The following NXPH1 variants were observed in gnomAD, a reference collection of about 807,000 sequenced individuals.
NXPH1 encodes the protein neurexophilin-1.
Under a neutral mutation model 23.7 loss-of-function variants are expected in NXPH1, and 5 were observed. The observed-to-expected ratio is 0.21, with a 90% confidence interval of 0.11 to 0.44. NXPH1 has a LOEUF of 0.44. Ranked by LOEUF, NXPH1 falls within the 20% of genes least tolerant of loss-of-function variation. The probability of loss-of-function intolerance (pLI) is 0.99; values close to 1 mark genes in which losing one functional copy is unlikely to be tolerated. For missense variants in NXPH1, 324 were observed against 321.6 expected (o/e 1.01, Z -0.06); for synonymous variants, 144 against 122.2 (o/e 1.18, Z -1.18).
At chr7:8,644,818 T>C (rs905154889) in intron 2 of NXPH1, among the ~76,000 whole-genome samples, 2 of 152,182 alleles carry the variant, frequency 1.3e-5, no homozygotes, top group Non-Finnish European at 2.9e-5. Context: ...TGGTAACCAC[T>C]CTCTTAAATT....
At chr7:8,615,397 G>C (rs1459582538) in intron 2 of NXPH1, among the ~76,000 whole-genome samples, 1 of 152,036 alleles carries the variant, frequency 6.6e-6, no homozygotes, top group African/African-American at 2.4e-5. Context: ...TAAGGTTGTT[G>C]AGAGGATTCG....
intron 2 of NXPH1, among the ~76,000 whole-genome samples, chr7:8,456,929 A>G (rs539626969): frequency 9.9e-5 from 15 of 152,138 alleles, no homozygotes; most frequent in Non-Finnish European, 2.2e-4. Context: ...CAGCCTAGAT[A>G]AGGTCTCTAA....
In NXPH1 at chr7:8,477,404, C is replaced by G. The variant is rs1217290175; in HGVS notation, c.54+41637C>G. 2.0e-5 allele frequency among the ~76,000 whole-genome samples: 3 copies of G among 152,026 alleles called. No homozygotes were observed. The East Asian group carries it at 5.8e-4, about 29-fold the overall frequency. Reference sequence around the variant, plus strand: ...GGCTATAGATCATCACTCCAGTGGTCAAGCTGAGTTGTTAATCCAGCTAAT... The same window carrying G: ...GGCTATAGATCATCACTCCAGTGGTGAAGCTGAGTTGTTAATCCAGCTAAT... On this transcript the variant is annotated intron_variant, in intron 2 of 2. Transcript: ENST00000405863.
At chr7:8,612,806 C>T (rs115459840) in intron 2 of NXPH1, among the ~76,000 whole-genome samples, 1,559 of 151,986 alleles carry the variant, frequency 0.01, 36 homozygotes, top group African/African-American at 0.035. Flanking sequence ...GCCTTCTTGG[C>T]GAGTGTTTTG....
chr7:8,517,123 G>A (rs1817698317), intron 2 of NXPH1, among the ~76,000 whole-genome samples: 1 of 152,132 alleles, frequency 6.6e-6, no homozygotes, highest in Non-Finnish European at 1.5e-5. Flanking sequence ...GAAGATAGAT[G>A]TAGCATTTGC....
chr7:8,692,463 A>C (rs770435596), intron 2 of NXPH1, among the ~76,000 whole-genome samples: 1 of 152,176 alleles, frequency 6.6e-6, no homozygotes, highest in African/African-American at 2.4e-5. Context: ...GTCTATAGGA[A>C]TATAATAGTT....
At chr7:8,691,162 T>A (rs1002616901) in intron 2 of NXPH1, among the ~76,000 whole-genome samples, 1 of 152,134 alleles carries the variant, frequency 6.6e-6, no homozygotes, top group African/African-American at 2.4e-5. Context: ...TTATTTTTTT[T>A]GAGATGGAGT....
At chr7:8,616,327 C>G (rs550805259) in intron 2 of NXPH1, among the ~76,000 whole-genome samples, 1 of 152,052 alleles carries the variant, frequency 6.6e-6, no homozygotes, top group Non-Finnish European at 1.5e-5. Context: ...GTGAGCTCTT[C>G]CCTGATGACC....
chr7:8,678,883 T>A (rs1441156003), intron 2 of NXPH1, among the ~76,000 whole-genome samples: 5 of 149,950 alleles, frequency 3.3e-5, no homozygotes, highest in African/African-American at 1.2e-4. Context: ...ACCTCTCCTC[T>A]CTTAGTTTTG....
intron 2 of NXPH1, among the ~76,000 whole-genome samples, chr7:8,518,451 A>T (rs537539644): frequency 2.6e-5 from 4 of 152,164 alleles, no homozygotes; most frequent in Non-Finnish European, 5.9e-5. Flanking sequence ...AAAACAGAAG[A>T]ATATATAAAG....
chr7:8,743,416 A>G (rs1263611824), intron 2 of NXPH1, among the ~76,000 whole-genome samples: 1 of 130,828 alleles, frequency 7.6e-6, no homozygotes, highest in Non-Finnish European at 1.7e-5. Flanking sequence ...AAATGTTTGG[A>G]GACACTTCTA....
At chr7:8,747,470 T>G (rs568399530) in intron 2 of NXPH1, among the ~76,000 whole-genome samples, 1 of 152,306 alleles carries the variant, frequency 6.6e-6, no homozygotes, top group South Asian at 2.1e-4. Flanking sequence ...CCTCCTTCTT[T>G]GGGATAATTT....
chr7:8,738,144 C>T (rs1780293940), intron 2 of NXPH1, among the ~76,000 whole-genome samples: 1 of 152,176 alleles, frequency 6.6e-6, no homozygotes, highest in East Asian at 1.9e-4. Flanking sequence ...GTCCATTCGT[C>T]AAACTCATTC....
chr7:8,466,229 T>A (rs1013915260), intron 2 of NXPH1, among the ~76,000 whole-genome samples: 3 of 152,204 alleles, frequency 2.0e-5, no homozygotes, highest in Admixed American at 6.5e-5. Context: ...AATGAGCTTT[T>A]GAATTTGCTT....
intron 2 of NXPH1, among the ~76,000 whole-genome samples, chr7:8,492,249 G>C (rs76128186): frequency 1.3e-5 from 2 of 151,828 alleles, no homozygotes; most frequent in East Asian, 3.9e-4. Flanking sequence ...ACGTTTTGAC[G>C]TGCTAATCTT....
chr7:8,491,332 A>C (rs1817244957), intron 2 of NXPH1, among the ~76,000 whole-genome samples: 1 of 151,966 alleles, frequency 6.6e-6, no homozygotes, highest in Admixed American at 6.6e-5. Context: ...CATTTTGCCC[A>C]TATTGCAAAA....
chr7:8,465,106 A>T (rs879656733), intron 2 of NXPH1, among the ~76,000 whole-genome samples: 10 of 152,244 alleles, frequency 6.6e-5, no homozygotes, highest in Non-Finnish European at 1.0e-4. Flanking sequence ...AGTGGGACTT[A>T]GAAAGGACAA....
chr7:8,662,222 CAAGAA>C (rs1445876577), intron 2 of NXPH1, among the ~76,000 whole-genome samples: 2 of 151,248 alleles, frequency 1.3e-5, no homozygotes, highest in African/African-American at 4.9e-5. Flanking sequence ...ACATGTATCT[CAAGAA>C]GAGATGGATA....
intron 2 of NXPH1, among the ~76,000 whole-genome samples, chr7:8,745,505 A>AG (rs559077125): frequency 1.1e-4 from 17 of 148,546 alleles, no homozygotes; most frequent in African/African-American, 4.2e-4. Context: ...GAGAATAATA[A>AG]GTTTTTTTTT....
Sources: gnomAD v4.1 joint callset for allele counts (sites outside exome capture counted in the v4.1 genomes callset) on GRCh38, gnomAD v4.1.1 for gene constraint, MANE v1.5 for transcripts, NCBI Gene and HGNC (gene_info 2026-07-23, HGNC 2026-07-21) for gene names.